Variants in SLIT3 observed in about 807,000 individuals in gnomAD.
SLIT3 encodes the protein slit homolog 3 protein.
Under a neutral mutation model 184.0 loss-of-function variants are expected in SLIT3, and 68 were observed. The observed-to-expected ratio is 0.37, with a 90% CI of 0.30 to 0.45. The LOEUF (loss-of-function observed/expected upper bound fraction) is 0.45. SLIT3 is among the 20% of genes least tolerant of loss of function. The pLI, the probability that SLIT3 is intolerant of heterozygous loss-of-function variation, is 1.00. For missense variants in SLIT3, 1,707 were observed against 2,026.0 expected, an observed-to-expected ratio of 0.84 and a Z score of 3.02; for synonymous variants, 831 against 828.6, an observed-to-expected ratio of 1.00 and a Z score of -0.05.
chr5:169,006,820 TGA>T (rs753623614), intron 4 of SLIT3, among the ~76,000 whole-genome samples: 1 of 152,094 alleles, frequency 6.6e-6, no homozygotes, highest in Non-Finnish European at 1.5e-5. Flanking sequence ...TTGCTGGACA[TGA>T]GAGTCGAGCC....
Position 168,666,118 on chromosome 5 carries a change from ATTTTT to A in SLIT3, c.*331_*335del, listed in dbSNP as rs1761030539. ...TATTCTTATCCTTTTGTTTTAAAGCATTTTTATTAGTCTATTTTTTTCTTAAATTT... is the reference window on the plus strand; with the variant it reads ...TATTCTTATCCTTTTGTTTTAAAGCAATTAGTCTATTTTTTTCTTAAATTT... On this transcript the variant is annotated 3_prime_UTR_variant, in exon 36 of 36. Coordinates refer to ENST00000519560, the MANE Select transcript of SLIT3 (RefSeq NM_003062.4). The A allele has an allele frequency of 5.5e-6, 1 of 180,462 alleles. No homozygotes were observed. Among genetic ancestry groups the A allele is most frequent in the African/African-American group, 2.3e-5 (1 of 42,644 alleles). 11.2% of individuals were successfully genotyped at this position (180,462 alleles called of 1,614,324 possible). A position where few individuals can be genotyped will look rare whatever the true frequency, so the allele number is the denominator to read the frequency against.
intron 4 of SLIT3, among the ~76,000 whole-genome samples, chr5:169,140,230 C>CAAAGTGGGCAGAA (rs1285127237): frequency 7.1e-6 from 1 of 140,080 alleles, no homozygotes; most frequent in Admixed American, 7.8e-5. Context: ...TTTGGGAGAC[C>CAAAGTGGGCAGAA]AAAGTGGGCA....
intron 4 of SLIT3, among the ~76,000 whole-genome samples, chr5:169,132,363 T>G (rs2113318568): frequency 6.6e-6 from 1 of 152,302 alleles, no homozygotes; most frequent in Non-Finnish European, 1.5e-5. Flanking sequence ...CACAAGAAAC[T>G]GTGTTATATC....
chr5:169,199,311 G>A (rs188568176), intron 3 of SLIT3, among the ~76,000 whole-genome samples: 8 of 151,994 alleles, frequency 5.3e-5, no homozygotes, highest in Admixed American at 3.3e-4. Flanking sequence ...AGGTATAATC[G>A]GCTGGGTTTT....
intron 4 of SLIT3, among the ~76,000 whole-genome samples, chr5:168,883,581 G>GCACCTC (rs911350294): frequency 2.0e-5 from 3 of 152,298 alleles, no homozygotes; most frequent in Admixed American, 1.3e-4. Flanking sequence ...GGGTGGTCTC[G>GCACCTC]CACCTCCAGG....
At chr5:169,099,051 A>G (rs1759905260) in intron 4 of SLIT3, among the ~76,000 whole-genome samples, 1 of 151,534 alleles carries the variant, frequency 6.6e-6, no homozygotes, top group African/African-American at 2.4e-5. Flanking sequence ...CCTCTGCTTG[A>G]CCTTCCAGAA....
chr5:169,220,837 G>T (rs1339888259), intron 3 of SLIT3, among the ~76,000 whole-genome samples: 1 of 152,124 alleles, frequency 6.6e-6, no homozygotes, highest in Non-Finnish European at 1.5e-5. Flanking sequence ...CTTGGTGCAG[G>T]TGTCAGCCAA....
chr5:168,807,881 A>T (rs960299887), intron 8 of SLIT3, among the ~76,000 whole-genome samples: 5 of 152,154 alleles, frequency 3.3e-5, no homozygotes, highest in African/African-American at 9.7e-5. Flanking sequence ...TTCAAACAGA[A>T]GGTGGTGCGC....
intron 26 of SLIT3, chr5:168,707,572 AG>A: frequency 5.9e-6 from 1 of 170,528 alleles, no homozygotes; most frequent in Non-Finnish European, 1.3e-5. Flanking sequence ...GGTTGCTCTG[AG>A]GGTGGGGTTT....
intron 4 of SLIT3, among the ~76,000 whole-genome samples, chr5:168,948,869 T>G (rs10067287): frequency 0.011 from 1,716 of 152,294 alleles, 39 homozygotes; most frequent in African/African-American, 0.039. Context: ...GGGGACTAAT[T>G]GTCAGGGCCT....
chr5:168,712,373 G>C lies in SLIT3; in HGVS notation c.2484-19C>G. 1 of 1,612,498 alleles carries C rather than the reference G, an allele frequency of 6.2e-7. No individual in the cohort carries two copies. Among genetic ancestry groups the C allele is most frequent in the Non-Finnish European group, 8.5e-7 (1 of 1,178,490 alleles). ...GAGGGTTCTGAAGCAGAGGGCACAGGTCGGAAGGTTAGCATCCACTAATTT... is the reference window on the plus strand; with the variant it reads ...GAGGGTTCTGAAGCAGAGGGCACAGCTCGGAAGGTTAGCATCCACTAATTT... On this transcript the variant is annotated intron_variant, in intron 23 of 35. Coordinates refer to ENST00000519560, the MANE Select transcript of SLIT3 (RefSeq NM_003062.4).
chr5:168,857,892 T>A lies in SLIT3; in HGVS notation c.486-13237A>T, dbSNP rs1758954246. ...ATCAGGTAGAGATTCACGTAGGAGT[T>A]CTTAGGCGGGACAAGACTGGCTCTC... On this transcript the variant is annotated intron_variant, in intron 5 of 35. Coordinates refer to ENST00000519560, the MANE Select transcript of SLIT3 (RefSeq NM_003062.4). Among the ~76,000 whole-genome samples, 3 of 152,250 alleles carry A rather than the reference T, an allele frequency of 2.0e-5. No individual in the cohort carries two copies. The South Asian group carries it at 6.2e-4, about 32-fold the overall frequency.
chr5:169,058,187 C>A (rs181090797), intron 4 of SLIT3, among the ~76,000 whole-genome samples: 2 of 152,252 alleles, frequency 1.3e-5, no homozygotes. Flanking sequence ...ACCATCAGAC[C>A]GCTTCTCCCC....
chr5:169,281,622 A>T (rs733613), intron 1 of SLIT3, among the ~76,000 whole-genome samples: 117,852 of 151,664 alleles, frequency 0.78, 45,925 homozygotes, highest in African/African-American at 0.84. Context: ...AAATGGACAC[A>T]AAAAAATTAT....
intron 25 of SLIT3, 145 bp downstream of exon 25, chr5:168,710,748 ATC>A (rs1198858466): frequency 1.6e-6 from 1 of 616,818 alleles, no homozygotes; most frequent in Non-Finnish European, 2.5e-6. Context: ...CAGCGTCAGC[ATC>A]TGAGCCTCTT....
chr5:169,234,897 C>T (rs537907679), intron 3 of SLIT3, among the ~76,000 whole-genome samples: 1 of 152,198 alleles, frequency 6.6e-6, no homozygotes, highest in African/African-American at 2.4e-5. Context: ...GTTTTGGCAT[C>T]AAAAAGTAGG....
intron 5 of SLIT3, among the ~76,000 whole-genome samples, chr5:168,868,424 G>A (rs1268295999): frequency 6.6e-6 from 1 of 152,116 alleles, no homozygotes; most frequent in African/African-American, 2.4e-5. Flanking sequence ...CCTAGCAGCT[G>A]GAACTATAGG....
intron 10 of SLIT3, chr5:168,790,360 T>C (rs1341159161): frequency 1.3e-5 from 2 of 152,280 alleles, no homozygotes; most frequent in Admixed American, 1.3e-4. Flanking sequence ...AGGATTCTAT[T>C]AATGCTGGGC....
intron 4 of SLIT3, among the ~76,000 whole-genome samples, chr5:169,122,715 A>G (rs1012129654): frequency 1.3e-5 from 2 of 152,144 alleles, no homozygotes; most frequent in Admixed American, 6.5e-5. Flanking sequence ...CCTGCATTCT[A>G]TTGGCACCAC....
Sources: allele counts gnomAD v4.1 joint callset (sites outside exome capture counted in the v4.1 genomes callset), GRCh38; gene constraint gnomAD v4.1.1; transcripts MANE v1.5; gene names NCBI Gene and HGNC (gene_info 2026-07-23, HGNC 2026-07-21).